The following PRDM6 variants were observed in gnomAD, a reference collection of about 807,000 sequenced individuals.
The protein encoded by PRDM6 is PR/SET domain 6.
A neutral mutation model predicts 60.8 loss-of-function variants in PRDM6; 25 were observed. The observed-to-expected ratio is 0.41, with a 90% CI of 0.30 to 0.57. The LOEUF (loss-of-function observed/expected upper bound fraction) is 0.57, where lower values mean the gene tolerates loss of function less well. Among genes scored for constraint, PRDM6 ranks in the 20% least tolerant of loss-of-function variants. The pLI is 0.27. For missense variants in PRDM6, 839 were observed against 821.3 expected (o/e 1.02, Z -0.26); for synonymous variants, 407 against 357.4 (o/e 1.14, Z -1.57).
chr5:123,137,529 C>G (rs755457759), intron 3 of PRDM6, among the ~76,000 whole-genome samples: 1 of 152,136 alleles, frequency 6.6e-6, no homozygotes, highest in East Asian at 1.9e-4. Context: ...TCTGAGCAAA[C>G]TAACACAAGA....
At chr5:123,156,804 T>G (rs1440646526) in intron 4 of PRDM6, among the ~76,000 whole-genome samples, 3 of 152,132 alleles carry the variant, frequency 2.0e-5, no homozygotes, top group Non-Finnish European at 2.9e-5. Flanking sequence ...TTCCACTTAG[T>G]GCTAAGGAAG....
chr5:123,187,045 GC>G, intron 7 of PRDM6, 41 bp from the exon 8 acceptor site: 1 of 1,435,436 alleles, frequency 7.0e-7, no homozygotes, highest in Admixed American at 2.0e-5. Flanking sequence ...CACCCTGCAG[GC>G]CCCGCTCCCT....
intron 3 of PRDM6, among the ~76,000 whole-genome samples, chr5:123,150,987 G>T (rs545552932): frequency 6.6e-6 from 1 of 152,156 alleles, no homozygotes; most frequent in South Asian, 2.1e-4. Flanking sequence ...ATTGCGTTTA[G>T]TGGTAATTTC....
chr5:123,136,394 C>G (rs1023423838), intron 3 of PRDM6, among the ~76,000 whole-genome samples: 2 of 151,926 alleles, frequency 1.3e-5, no homozygotes, highest in Non-Finnish European at 2.9e-5. Context: ...CGTTATTCAC[C>G]GAACAGAGCA....
chr5:123,138,708 A>G (rs1176495158), intron 3 of PRDM6, among the ~76,000 whole-genome samples: 1 of 152,224 alleles, frequency 6.6e-6, no homozygotes, highest in Admixed American at 6.5e-5. Flanking sequence ...CAATATTTGG[A>G]CACATTAGAT....
chr5:123,124,775 A>C (rs1764655116), intron 3 of PRDM6, among the ~76,000 whole-genome samples: 1 of 152,172 alleles, frequency 6.6e-6, no homozygotes, highest in Admixed American at 6.5e-5. Flanking sequence ...TTATTAATTT[A>C]TTGGCCTATG....
chr5:123,175,927 G>A (rs1765997553), intron 6 of PRDM6, among the ~76,000 whole-genome samples: 1 of 152,182 alleles, frequency 6.6e-6, no homozygotes, highest in Non-Finnish European at 1.5e-5. Context: ...GCCAGGAGAT[G>A]TGCAAGATTG....
At chr5:123,175,834 A>G (rs1252739706) in intron 6 of PRDM6, among the ~76,000 whole-genome samples, 2 of 152,220 alleles carry the variant, frequency 1.3e-5, no homozygotes, top group East Asian at 3.8e-4. Flanking sequence ...TGTATACACC[A>G]AACCAATTAC....
chr5:123,110,574 T>C (rs1580485072), intron 3 of PRDM6, among the ~76,000 whole-genome samples: 2 of 149,320 alleles, frequency 1.3e-5, no homozygotes, highest in African/African-American at 4.9e-5. Context: ...TTTTCTTTTT[T>C]TTTTTTTTTT....
At chr5:123,089,894 C>T in intron 1 of PRDM6, 106 bp from the exon 2 acceptor site, 3 of 838,254 alleles carry the variant, frequency 3.6e-6, no homozygotes, top group Non-Finnish European at 5.4e-6. Flanking sequence ...GGGCGGCCGC[C>T]GGCTGAACCA....
At chr5:123,168,521 G>T (rs1191908239) in intron 5 of PRDM6, among the ~76,000 whole-genome samples, 1 of 152,192 alleles carries the variant, frequency 6.6e-6, no homozygotes, top group Non-Finnish European at 1.5e-5. Flanking sequence ...TTTGTAACAG[G>T]AGAAGGTAGG....
At chr5:123,166,309 T>C (rs1765751548) in intron 5 of PRDM6, among the ~76,000 whole-genome samples, 1 of 152,218 alleles carries the variant, frequency 6.6e-6, no homozygotes, top group South Asian at 2.1e-4. Flanking sequence ...TTTCCTCCCT[T>C]TGCACTTGTA....
intron 2 of PRDM6, among the ~76,000 whole-genome samples, chr5:123,092,065 T>A (rs371730821): frequency 5.7e-4 from 87 of 152,354 alleles, no homozygotes; most frequent in Middle Eastern, 3.4e-3. Context: ...CTTTTTTCTT[T>A]ATGAAGTTTG....
chr5:123,159,342 T>G (rs1765575544), intron 4 of PRDM6, among the ~76,000 whole-genome samples, 172 bp from the exon 5 acceptor site: 2 of 152,226 alleles, frequency 1.3e-5, no homozygotes, highest in African/African-American at 4.8e-5. Flanking sequence ...TTTATCACAC[T>G]GAGTTACAGA....
At chr5:123,170,440 C>T (rs1456357110) in intron 5 of PRDM6, among the ~76,000 whole-genome samples, 2 of 152,190 alleles carry the variant, frequency 1.3e-5, no homozygotes, top group East Asian at 3.9e-4. Context: ...CTGTGCCTCC[C>T]ATCTAAACTC....
intron 3 of PRDM6, among the ~76,000 whole-genome samples, chr5:123,113,232 A>G (rs335183): frequency 0.58 from 88,325 of 151,946 alleles, 25,959 homozygotes; most frequent in African/African-American, 0.67. Context: ...GGTGTTGTAC[A>G]GTCTATGGAT....
chr5:123,112,319 C>G (rs1764332190), intron 3 of PRDM6, among the ~76,000 whole-genome samples: 2 of 152,326 alleles, frequency 1.3e-5, no homozygotes, highest in Middle Eastern at 3.4e-3. Context: ...ACTTCTCCTG[C>G]CAGCCCCTTC....
intron 3 of PRDM6, among the ~76,000 whole-genome samples, chr5:123,131,584 G>A (rs890899005): frequency 6.6e-6 from 1 of 152,304 alleles, no homozygotes; most frequent in South Asian, 2.1e-4. Flanking sequence ...TTCCTTTTGA[G>A]GGTGGTGTAA....
At chr5:123,170,015 T>C (rs1166986434) in intron 5 of PRDM6, among the ~76,000 whole-genome samples, 2 of 152,200 alleles carry the variant, frequency 1.3e-5, no homozygotes, top group Admixed American at 6.5e-5. Flanking sequence ...GAACACTGGT[T>C]CTATTTTTCT....
Sources: gnomAD v4.1 joint callset for allele counts (sites outside exome capture counted in the v4.1 genomes callset) on GRCh38, gnomAD v4.1.1 for gene constraint, MANE v1.5 for transcripts, NCBI Gene and HGNC (gene_info 2026-07-23, HGNC 2026-07-21) for gene names.